DSG4: variants seen among roughly 807,000 people sequenced by gnomAD.
DSG4 encodes desmoglein-4.
DSG4 carries 87 observed loss-of-function variants against 93.1 expected under a neutral mutation model. The ratio of observed to expected loss-of-function variants is 0.93; its 90% CI spans 0.79 to 1.12. The LOEUF (loss-of-function observed/expected upper bound fraction) is 1.12. Ranked by LOEUF, DSG4 falls within the 50% of genes most tolerant of loss-of-function variation. DSG4 has a pLI of 0.00. For missense variants in DSG4, 1,373 were observed against 1,285.7 expected (o/e 1.07, Z -1.04); for synonymous variants, 432 against 452.9 (o/e 0.95, Z 0.59).
Position 31,409,554 on chromosome 18 carries a change from A to T in DSG4, c.2036A>T (p.Gln679Leu). 1 of 1,614,210 alleles carries T rather than the reference A, an allele frequency of 6.2e-7. No homozygotes were observed. The highest frequency in any genetic ancestry group is 1.3e-5 in the African/African-American group (1 of 75,058). The change falls in exon 13 of 16, where the codon CAG (glutamine) becomes CTG (leucine). Residue 679 changes from glutamine (Q) to leucine (L), a missense_variant. Coordinates refer to ENST00000308128, the MANE Select transcript of DSG4 (RefSeq NM_177986.5). The part of the protein sequence containing the change: ...PVPEGGEGVM[Q>L]SWRIEGAHPE... ...CCTGAGGGCGGAGAAGGAGTGATGC[A>T]GTCTTGGAGAATTGAAGGGGCCCAT...
rs1568068131 is a variant in DSG4 at position 31,399,525 on chromosome 18, A to G, written c.1259A>G (p.Asn420Ser). 2 of 1,613,996 alleles carry G rather than the reference A, an allele frequency of 1.2e-6. No homozygotes were observed. The highest frequency in any genetic ancestry group is 1.7e-6 in the Non-Finnish European group (2 of 1,179,912). The change falls in exon 9 of 16, where the codon AAC (asparagine) becomes AGC (serine). Residue 420 changes from asparagine (N) to serine (S), a missense_variant. By Grantham distance (46) the Asn-to-Ser change is conservative (BLOSUM62 1). Transcript: ENST00000308128. ...ACAGCCATAGATTTGGACACAGGAA[A>G]CCCTGCAACAGATGTCAGGTACTGC... is the stretch of plus-strand genomic sequence containing the variant. ...TYTAIDLDTG[N>S]PATDVRYIIG... is the part of the protein sequence containing the mutation.
chr18:31,407,765 T>C (rs952040688), intron 12 of DSG4, among the ~76,000 whole-genome samples: 6 of 152,214 alleles, frequency 3.9e-5, no homozygotes, highest in African/African-American at 1.4e-4. Flanking sequence ...AGACACATTT[T>C]CCCAGAATAT....
chr18:31,409,478 T>C lies in DSG4; in HGVS notation c.1960T>C (p.Cys654Arg). 6.2e-7 allele frequency: 1 copy of C among 1,614,212 alleles called. No homozygotes were observed. The highest frequency in any genetic ancestry group is 8.5e-7 in the Non-Finnish European group (1 of 1,180,040). Residue 654 changes from cysteine to arginine, a missense_variant, in exon 13 of 16, where the codon TGC becomes CGC. Coordinates refer to ENST00000308128, the MANE Select transcript of DSG4 (RefSeq NM_177986.5). ...GGCTCCACTCTTGCTGCTCCTGTGT[T>C]GCTGCAAACAGAGACAGCCAGAAGG... ...ILAPLLLLLC[C>R]CKQRQPEGLG... is the part of the protein sequence containing the mutation.
Position 31,401,021 on chromosome 18 carries a change from G to A in DSG4, c.1417+1G>A. 2 of 1,590,994 alleles carry A rather than the reference G, an allele frequency of 1.3e-6. No homozygotes were observed. Among genetic ancestry groups the A allele is most frequent in the South Asian group, 1.2e-5 (1 of 86,386 alleles). ...ACAGCAGAGATCCTGGCTATAGATG[G>A]TAAGAAAATTTATTTTCAGTATTTT... On this transcript the variant is annotated splice_donor_variant, in intron 10 of 15. Transcript: ENST00000308128. LOFTEE classifies it high-confidence loss of function.
chr18:31,413,445 G>A lies in DSG4; in HGVS notation c.2973G>A (p.Met991Ile), dbSNP rs1471133267. 4.3e-6 allele frequency: 7 copies of A among 1,612,490 alleles called. No homozygotes were observed. The highest frequency in any genetic ancestry group is 2.2e-5 in the South Asian group (2 of 91,046). Reference protein sequence around the residue: ...STTEGCMGPVMSGNILVGPEI... With the variant: ...STTEGCMGPVISGNILVGPEI... The stretch of plus-strand genomic sequence containing the variant: ...CTGAGGGTTGTATGGGACCTGTGAT[G>A]AGCGGCAATATTTTAGTAGGGCCAG... The change falls in exon 16 of 16, where the codon ATG (methionine) becomes ATA (isoleucine). Residue 991 changes from methionine (M) to isoleucine (I), a missense_variant. Met to Ile is a conservative substitution (Grantham distance 10). Transcript: ENST00000308128.
Position 31,401,001 on chromosome 18 carries a change from A to T in DSG4, c.1398A>T (p.Ala466=), listed in dbSNP as rs191272540. 6.2e-7 allele frequency: 1 copy of T among 1,605,622 alleles called. No homozygotes were observed. Among genetic ancestry groups the T allele is most frequent in the East Asian group, 2.2e-5 (1 of 44,662 alleles). ...ATATTATCAATGGGATATACACAGCAGAGATCCTGGCTATAGATGGTAAGA... is the reference window on the plus strand; with the variant it reads ...ATATTATCAATGGGATATACACAGCTGAGATCCTGGCTATAGATGGTAAGA... ...SKYIINGIYT[A]EILAIDDGSG... Residue 466 remains alanine (A), a synonymous_variant, in exon 10 of 16, where the codon GCA becomes GCT. Transcript: ENST00000308128.
At chr18:31,405,432 T>C (rs562878198) in intron 11 of DSG4, among the ~76,000 whole-genome samples, 1 of 152,300 alleles carries the variant, frequency 6.6e-6, no homozygotes, top group East Asian at 1.9e-4. Flanking sequence ...TATTTATTCA[T>C]TGGGCAAATA....
chr18:31,386,606 G>T, intron 2 of DSG4, 82 bp from the exon 3 acceptor site: 8 of 1,572,708 alleles, frequency 5.1e-6, no homozygotes, highest in Non-Finnish European at 7.0e-6. Context: ...TCTTCTAAAT[G>T]CACCTTACAA....
intron 7 of DSG4, 23 bp downstream of exon 7, chr18:31,391,235 CT>C: frequency 6.2e-7 from 1 of 1,613,012 alleles, no homozygotes; most frequent in Non-Finnish European, 8.5e-7. Flanking sequence ...TCTTATCTTC[CT>C]TTTTCCATAA....
intron 9 of DSG4, among the ~76,000 whole-genome samples, chr18:31,400,145 C>T (rs2072349027): frequency 6.6e-6 from 1 of 152,182 alleles, no homozygotes; most frequent in African/African-American, 2.4e-5. Flanking sequence ...GTACACAGAT[C>T]TTCTCTATAT....
In DSG4 at chr18:31,392,313, C is replaced by A. The variant is rs756223021; in HGVS notation, c.978C>A (p.Thr326=). ...TCGATATTCAAACAGATCCACAAAC[C>A]AATGAAGGCATTTTGAAAGTTGTCA... ...NWFDIQTDPQ[T]NEGILKVVKM... Residue 326 remains threonine (T), a synonymous_variant, in exon 8 of 16, where the codon ACC becomes ACA. Transcript: ENST00000308128. The A allele has an allele frequency of 1.9e-6, 3 of 1,613,612 alleles. No individual in the cohort carries two copies. The highest frequency in any genetic ancestry group is 2.5e-6 in the Non-Finnish European group (3 of 1,179,776).
At chr18:31,401,670 T>A (rs1182048772) in intron 10 of DSG4, 1 of 152,120 alleles carries the variant, frequency 6.6e-6, no homozygotes, top group African/African-American at 2.4e-5. Flanking sequence ...TTATCAATAG[T>A]TAATGATTCT....
rs555945683 is a variant in DSG4 at position 31,399,093 on chromosome 18, C to T, written c.1006-179C>T. Among the ~76,000 whole-genome samples, 10 of 152,102 alleles carry T rather than the reference C, an allele frequency of 6.6e-5. No homozygotes were observed. In the South Asian group the frequency reaches 1.7e-3, roughly 25 times the overall value. Reference sequence around the variant, plus strand: ...ATAGCTGATTATGCTAAAAGATGAACAGAAAAACATATCTAAGATACCTAA... The same window carrying T: ...ATAGCTGATTATGCTAAAAGATGAATAGAAAAACATATCTAAGATACCTAA... On this transcript the variant is annotated intron_variant, in intron 8 of 15. Transcript: ENST00000308128.
At chr18:31,407,128 A>AAC (rs1385484329) in intron 12 of DSG4, among the ~76,000 whole-genome samples, 2 of 152,008 alleles carry the variant, frequency 1.3e-5, no homozygotes, top group Admixed American at 6.6e-5. Context: ...AAGGTAATCA[A>AAC]ACACACACAC....
chr18:31,388,249 T>C, intron 3 of DSG4, 118 bp from the exon 4 acceptor site: 1 of 1,136,532 alleles, frequency 8.8e-7, no homozygotes, highest in South Asian at 1.3e-5. Context: ...TAAGTCATGG[T>C]GTCAGGTTTC....
chr18:31,401,090 G>C (rs534782853), intron 10 of DSG4, 70 bp downstream of exon 10: 79 of 1,319,412 alleles, frequency 6.0e-5, no homozygotes, highest in Middle Eastern at 5.5e-4. Flanking sequence ...TTATTCTAAT[G>C]CTGATATTTG....
In DSG4 at chr18:31,409,512, C is replaced by T. The variant is rs750960537; in HGVS notation, c.1994C>T (p.Thr665Ile). 2.5e-5 allele frequency: 41 copies of T among 1,614,024 alleles called. No individual in the cohort carries two copies. The highest frequency in any genetic ancestry group is 3.3e-5 in the Non-Finnish European group (39 of 1,180,042). The change falls in exon 13 of 16, where the codon ACA (threonine) becomes ATA (isoleucine). Residue 665 changes from threonine (T) to isoleucine (I), a missense_variant. Coordinates refer to ENST00000308128, the MANE Select transcript of DSG4 (RefSeq NM_177986.5). Reference sequence around the variant, plus strand: ...CAGAGACAGCCAGAAGGCCTGGGAACAAGATTTGCTCCTGTGCCTGAGGGC... The same window carrying T: ...CAGAGACAGCCAGAAGGCCTGGGAATAAGATTTGCTCCTGTGCCTGAGGGC... ...CKQRQPEGLG[T>I]RFAPVPEGGE...
Position 31,412,808 on chromosome 18 carries a change from G to A in DSG4, c.2356-20G>A. 1 of 1,613,618 alleles carries A rather than the reference G, an allele frequency of 6.2e-7. No individual in the cohort carries two copies. The highest frequency in any genetic ancestry group is 8.5e-7 in the Non-Finnish European group (1 of 1,179,742). ...TAGGGAAAAAGAAATTTCTAATTCT[G>A]TATTTCCTTTTAATTTTAGAAAGCG... On this transcript the variant is annotated intron_variant, in intron 15 of 15. Coordinates refer to ENST00000308128, the MANE Select transcript of DSG4 (RefSeq NM_177986.5).
intron 15 of DSG4, among the ~76,000 whole-genome samples, chr18:31,412,465 C>CTGTTAACAA (rs2072505066): frequency 6.6e-6 from 1 of 152,024 alleles, no homozygotes; most frequent in East Asian, 1.9e-4. Context: ...AACAGGATTG[C>CTGTTAACAA]TATAGTTAAC....
Sources: gnomAD v4.1 joint callset for allele counts (sites outside exome capture counted in the v4.1 genomes callset) on GRCh38, gnomAD v4.1.1 for gene constraint, MANE v1.5 for transcripts, NCBI Gene and HGNC (gene_info 2026-07-23, HGNC 2026-07-21) for gene names.